Variants in COL23A1 observed in about 807,000 individuals in gnomAD.
COL23A1 encodes the protein collagen alpha-1(XXIII) chain.
Under a neutral mutation model 99.3 loss-of-function variants are expected in COL23A1, and 97 were observed. The observed-to-expected ratio is 0.98, with a 90% confidence interval of 0.83 to 1.16. The LOEUF (loss-of-function observed/expected upper bound fraction) is 1.16, where lower values mean the gene tolerates loss of function less well. Ranked by LOEUF, COL23A1 falls within the 50% of genes most tolerant of loss-of-function variation. COL23A1 has a pLI of 0.00. For synonymous variants in COL23A1, 320 were observed against 308.2 expected (o/e 1.04, Z -0.40); for missense variants, 762 against 757.4 (o/e 1.01, Z -0.07).
chr5:178,405,004 A>C (rs909404578), intron 2 of COL23A1, among the ~76,000 whole-genome samples: 4 of 152,194 alleles, frequency 2.6e-5, no homozygotes, highest in Admixed American at 1.3e-4. Context: ...CACATAACCA[A>C]TGACATCCCC....
chr5:178,498,207 T>TAA (rs1758298965), intron 2 of COL23A1, among the ~76,000 whole-genome samples: 2 of 8,012 alleles, frequency 2.5e-4, no homozygotes, highest in Admixed American at 9.6e-4. Context: ...TTTATTTAAA[T>TAA]ATATATATAT....
At chr5:178,480,338 C>T (rs1757267500) in intron 2 of COL23A1, among the ~76,000 whole-genome samples, 1 of 152,050 alleles carries the variant, frequency 6.6e-6, no homozygotes, top group African/African-American at 2.4e-5. Context: ...ATCCTGCTGC[C>T]CTGGATCCAC....
chr5:178,303,761 A>G (rs1449929703), intron 3 of COL23A1, among the ~76,000 whole-genome samples: 3 of 152,166 alleles, frequency 2.0e-5, no homozygotes, highest in African/African-American at 7.2e-5. Flanking sequence ...ATAAGCATTT[A>G]TGGACCATCT....
chr5:178,305,083 AT>A (rs2127602101), intron 3 of COL23A1, among the ~76,000 whole-genome samples: 1 of 152,340 alleles, frequency 6.6e-6, no homozygotes. Flanking sequence ...ATAAAAGGCA[AT>A]AAAACCCTTT....
chr5:178,310,901 C>T lies in COL23A1; in HGVS notation c.362-3982G>A, dbSNP rs1758634539. ...TTCCTGCTGCTGCCTGAGACTCAGA[C>T]ACTCAGGAAGGCACTGGGAGTCTGT... On this transcript the variant is annotated intron_variant, in intron 2 of 28. Transcript: ENST00000390654. The surrounding 1 kb of genome is among the most constrained non-coding windows in gnomAD (Gnocchi z 4.3). 6.6e-6 allele frequency among the ~76,000 whole-genome samples: 1 copy of T among 152,266 alleles called. No homozygotes were observed. The highest frequency in any genetic ancestry group is 2.1e-4 in the South Asian group (1 of 4,826).
At chr5:178,349,555 C>T (rs571395499) in intron 2 of COL23A1, among the ~76,000 whole-genome samples, 59 of 150,350 alleles carry the variant, frequency 3.9e-4, no homozygotes, top group Admixed American at 3.8e-3. Flanking sequence ...CCACGCCCCA[C>T]GCCTGGCCTC....
chr5:178,268,502 C>G (rs1756035788), intron 7 of COL23A1, among the ~76,000 whole-genome samples: 1 of 152,138 alleles, frequency 6.6e-6, no homozygotes, highest in Admixed American at 6.5e-5. Flanking sequence ...TGCTTTGGTC[C>G]CAGGAGAACT....
At chr5:178,498,272 A>G (rs1758339381) in intron 2 of COL23A1, among the ~76,000 whole-genome samples, 1 of 127,408 alleles carries the variant, frequency 7.8e-6, no homozygotes, top group Non-Finnish European at 1.6e-5. Context: ...GAACTTAAAA[A>G]TAAAAAAATA....
chr5:178,355,671 C>T (rs1216740616), intron 2 of COL23A1, among the ~76,000 whole-genome samples: 22 of 152,172 alleles, frequency 1.4e-4, no homozygotes, highest in African/African-American at 4.8e-4. Flanking sequence ...TAGCTGGGAC[C>T]ACAGGCTCAC....
chr5:178,264,071 T>C (rs1041362938), intron 8 of COL23A1, among the ~76,000 whole-genome samples: 5 of 152,080 alleles, frequency 3.3e-5, no homozygotes, highest in African/African-American at 1.2e-4. Flanking sequence ...TGAAGGTGAT[T>C]GTAACTACAA....
intron 2 of COL23A1, among the ~76,000 whole-genome samples, chr5:178,552,822 T>C (rs2113487041): frequency 6.6e-6 from 1 of 152,044 alleles, no homozygotes; most frequent in East Asian, 2.0e-4. Context: ...CAAGTGATTC[T>C]CCTGCCTCAG....
At chr5:178,460,194 G>C (rs1756039961) in intron 2 of COL23A1, among the ~76,000 whole-genome samples, 1 of 152,120 alleles carries the variant, frequency 6.6e-6, no homozygotes, top group Non-Finnish European at 1.5e-5. Context: ...CAGAGGATTT[G>C]CCATGCAGAA....
intron 2 of COL23A1, among the ~76,000 whole-genome samples, chr5:178,380,264 C>T (rs1232297842): frequency 1.3e-5 from 2 of 152,178 alleles, no homozygotes; most frequent in Admixed American, 6.5e-5. Flanking sequence ...GGGGGGACTG[C>T]AACTCTGGGT....
intron 2 of COL23A1, chr5:178,345,024 C>T: frequency 6.9e-6 from 4 of 579,368 alleles, no homozygotes; most frequent in South Asian, 5.9e-5. Context: ...TGAGGATACT[C>T]ACCACCTGGA....
At chr5:178,380,503 G>C (rs1763322384) in intron 2 of COL23A1, among the ~76,000 whole-genome samples, 1 of 152,060 alleles carries the variant, frequency 6.6e-6, no homozygotes, top group African/African-American at 2.4e-5. Flanking sequence ...TGTCACCACA[G>C]CTGCTGATCA....
At chr5:178,400,539 A>G (rs1306923332) in intron 2 of COL23A1, among the ~76,000 whole-genome samples, 1 of 152,160 alleles carries the variant, frequency 6.6e-6, no homozygotes, top group African/African-American at 2.4e-5. Flanking sequence ...AATTGTGGTA[A>G]GATAGACATA....
rs145352092 is a variant in COL23A1 at position 178,401,301 on chromosome 5, G to A, written c.362-94382C>T. On this transcript the variant is annotated intron_variant, in intron 2 of 28. Transcript: ENST00000390654. Reference sequence around the variant, plus strand: ...ATCCTCTGGCTATTGTGAATAGTGCGGCTATGAACACTGGGGTACGAGCAT... The same window carrying A: ...ATCCTCTGGCTATTGTGAATAGTGCAGCTATGAACACTGGGGTACGAGCAT... 2.2e-3 allele frequency among the ~76,000 whole-genome samples: 332 copies of A among 152,342 alleles called. 6 individuals are homozygous for A. In the East Asian group the frequency reaches 0.044, roughly 20 times the overall value.
At position 178,447,649 on chromosome 5, in the gene COL23A1, G is replaced by A. The variant is rs150906644; in HGVS notation, c.361+113033C>T. 8.5e-5 allele frequency among the ~76,000 whole-genome samples: 13 copies of A among 152,278 alleles called. No homozygotes were observed. In the South Asian group the frequency reaches 1.0e-3, roughly 12 times the overall value. ...AACATCTAGGCTTGTGAGTACACTC[G>A]CTGATGTCCACACAATGACAAAATT... On this transcript the variant is annotated intron_variant, in intron 2 of 28. Transcript: ENST00000390654.
At chr5:178,404,337 A>G (rs928601516) in intron 2 of COL23A1, among the ~76,000 whole-genome samples, 4 of 152,198 alleles carry the variant, frequency 2.6e-5, no homozygotes, top group African/African-American at 9.6e-5. Flanking sequence ...GTGTGGATGC[A>G]GCAAGGAGAG....
Sources: gnomAD v4.1 joint callset for allele counts (sites outside exome capture counted in the v4.1 genomes callset) on GRCh38, gnomAD v4.1.1 for gene constraint, Gnocchi (gnomAD v3.1) non-coding constraint, MANE v1.5 for transcripts, NCBI Gene and HGNC (gene_info 2026-07-23, HGNC 2026-07-21) for gene names.